The following CLTB variants were observed in gnomAD, a reference collection of about 807,000 sequenced individuals.
CLTB encodes clathrin light chain B, also known as clathrin, light chain (Lcb).
Under a neutral mutation model 30.5 loss-of-function variants are expected in CLTB, and 10 were observed. That is an observed-to-expected ratio of 0.33 (90% CI 0.20 to 0.56). The LOEUF is 0.56. CLTB is among the 20% of genes least tolerant of loss of function. CLTB has a pLI of 0.91. For synonymous variants in CLTB, 102 were observed against 120.3 expected, an observed-to-expected ratio of 0.85 and a Z score of 1.00; for missense variants, 261 against 308.3, an observed-to-expected ratio of 0.85 and a Z score of 1.15.
Position 176,394,610 on chromosome 5 carries a change from G to T in CLTB, c.519-1665C>A, listed in dbSNP as rs62402493. Reference sequence around the variant, plus strand: ...AGGTGGGCGGATCACGAGGTCAGATGGAGAGCATCCTGGCTAACACGGTGA... The same window carrying T: ...AGGTGGGCGGATCACGAGGTCAGATTGAGAGCATCCTGGCTAACACGGTGA... On this transcript the variant is annotated intron_variant, in intron 5 of 5. Coordinates refer to ENST00000310418, the MANE Select transcript of CLTB (RefSeq NM_007097.5). 8.8e-3 allele frequency among the ~76,000 whole-genome samples: 1,342 copies of T among 151,894 alleles called. 10 individuals are homozygous for T. The highest frequency in any genetic ancestry group is 0.014 in the Middle Eastern group (4 of 292).
rs1182424162 is a variant in CLTB at position 176,416,114 on chromosome 5, G to A, written c.187+63C>T. The stretch of plus-strand genomic sequence containing the variant: ...CAGGCTCTCTTCCCTGTGCCCCTGG[G>A]CCCCGGCCGGGGTCCCCCGGGTGCG... On this transcript the variant is annotated intron_variant, in intron 1 of 5. Transcript: ENST00000310418. 6 of 1,407,238 alleles carry A rather than the reference G, an allele frequency of 4.3e-6. No individual in the cohort carries two copies. In the East Asian group the frequency reaches 1.4e-4, roughly 34 times the overall value. 87.2% of individuals were successfully genotyped at this position (1,407,238 alleles called of 1,614,324 possible). A position where few individuals can be genotyped will look rare whatever the true frequency, so the allele number is the denominator to read the frequency against.
At chr5:176,406,808 C>T in intron 2 of CLTB, 1 of 874,484 alleles carries the variant, frequency 1.1e-6, no homozygotes, top group Non-Finnish European at 1.5e-6. Context: ...CCTGCAGGTG[C>T]AGGCCAGACC....
intron 2 of CLTB, among the ~76,000 whole-genome samples, chr5:176,399,496 C>A (rs1044252512): frequency 2.0e-5 from 3 of 152,318 alleles, no homozygotes; most frequent in Admixed American, 2.0e-4. Flanking sequence ...AATCCCAGCA[C>A]TTCGGGAGGC....
chr5:176,409,693 C>T (rs371555653), intron 2 of CLTB, among the ~76,000 whole-genome samples: 5 of 152,060 alleles, frequency 3.3e-5, no homozygotes, highest in South Asian at 2.1e-4. Flanking sequence ...GGATTACAGG[C>T]GTCAGCCACT....
rs1361377772 is a variant in CLTB, at chr5:176,392,691, C to T, written c.*83G>A. ...AATAGGCTGTGGGTAGCAGCTGCTG[C>T]GAGTCTCCACCCCGACCAAAGCAGC... On this transcript the variant is annotated 3_prime_UTR_variant, in exon 6 of 6. Coordinates refer to ENST00000310418, the MANE Select transcript of CLTB (RefSeq NM_007097.5). The surrounding 1 kb of genome is among the most constrained non-coding windows in gnomAD (Gnocchi z 5.2). 16 of 1,493,708 alleles carry T rather than the reference C, an allele frequency of 1.1e-5. No individual in the cohort carries two copies. Among genetic ancestry groups the T allele is most frequent in the South Asian group, 2.4e-5 (2 of 84,356 alleles). The allele number at this position is 1,493,708 out of a possible 1,614,324, so 92.5% of individuals were successfully genotyped here.
rs1413684155 is a variant in CLTB at position 176,393,954 on chromosome 5, G to A, written c.519-1009C>T. Among the ~76,000 whole-genome samples the A allele has an allele frequency of 1.3e-5, 2 of 152,298 alleles. No homozygotes were observed. Among genetic ancestry groups the A allele is most frequent in the African/African-American group, 2.4e-5 (1 of 41,570 alleles). ...CATCTCAAGCAGGACCAGTTCTGCC[G>A]ATGCCAGACATGACTGATGGCAGGA... On this transcript the variant is annotated intron_variant, in intron 5 of 5. Coordinates refer to ENST00000310418, the MANE Select transcript of CLTB (RefSeq NM_007097.5). The surrounding 1 kb of genome is among the most constrained non-coding windows in gnomAD (Gnocchi z 4.4).
intron 1 of CLTB, among the ~76,000 whole-genome samples, chr5:176,414,528 C>T (rs374952079): frequency 1.2e-4 from 18 of 151,878 alleles, no homozygotes; most frequent in African/African-American, 3.6e-4. Context: ...CTACACCTCC[C>T]GGGCTCAAGC....
At chr5:176,416,030 G>C (rs1452057458) in intron 1 of CLTB, 147 bp downstream of exon 1, 4 of 716,698 alleles carry the variant, frequency 5.6e-6, no homozygotes, top group Non-Finnish European at 8.5e-6. Context: ...GTCCTACATG[G>C]AGATCTCCAA....
chr5:176,411,202 G>A (rs1234910522), intron 1 of CLTB, among the ~76,000 whole-genome samples: 5 of 152,166 alleles, frequency 3.3e-5, no homozygotes, highest in Non-Finnish European at 7.3e-5. Flanking sequence ...GAAAGACAAC[G>A]ACTGCATGGC....
chr5:176,416,173 T>G lies in CLTB; in HGVS notation c.187+4A>C, dbSNP rs1286580230. On this transcript the variant is annotated splice_donor_region_variant and intron_variant, in intron 1 of 5. Transcript: ENST00000310418. ...GCCCCTCTCCAGGCCCCGCGCTGAC[T>G]CACCCCCACTCGTGGGGCCCGGCTG... 1.3e-6 allele frequency: 2 copies of G among 1,572,282 alleles called. No homozygotes were observed.
rs564055388 is a variant in CLTB at position 176,405,199 on chromosome 5, C to T, written c.234+5058G>A. 6.6e-5 allele frequency among the ~76,000 whole-genome samples: 10 copies of T among 152,204 alleles called. No homozygotes were observed. In the South Asian group the frequency reaches 8.3e-4, roughly 13 times the overall value. Reference sequence around the variant, plus strand: ...TTCTTTCCCTGTCTTCTATTAGAAGCGAGTTTGGGACCAGGTGCAGCGGCT... The same window carrying T: ...TTCTTTCCCTGTCTTCTATTAGAAGTGAGTTTGGGACCAGGTGCAGCGGCT... On this transcript the variant is annotated intron_variant, in intron 2 of 5. Transcript: ENST00000310418.
At chr5:176,410,425 C>A in intron 1 of CLTB, 122 bp from the exon 2 acceptor site, 1 of 702,010 alleles carries the variant, frequency 1.4e-6, no homozygotes, top group Non-Finnish European at 2.5e-6. Flanking sequence ...GACCCACATG[C>A]AAACAGACAT....
chr5:176,411,585 G>T (rs937707256), intron 1 of CLTB, among the ~76,000 whole-genome samples: 2 of 152,068 alleles, frequency 1.3e-5, no homozygotes, highest in African/African-American at 2.4e-5. Context: ...GTGTTTATTT[G>T]TGTATGTGTT....
rs1757689241 is a variant in CLTB, at chr5:176,416,300, C to A, written c.64G>T (p.Asp22Tyr). The change falls in exon 1 of 6, where the codon GAC (aspartate) becomes TAC (tyrosine). Residue 22 changes from aspartate (D) to tyrosine (Y), a missense_variant. Asp to Tyr is a radical substitution (Grantham distance 160). Around this residue, in one of 3 missense-constraint regions of CLTB, gnomAD observed 113 missense variants for 102.5 expected, o/e 1.10. Coordinates refer to ENST00000310418, the MANE Select transcript of CLTB (RefSeq NM_007097.5). ...ESGAPEAAEE[D>Y]PAAAFLAQQE... Reference sequence around the variant, plus strand: ...TGGGCCAGGAAGGCGGCCGCCGGGTCCTCCTCCGCCGCCTCCGGGGCACCG... The same window carrying A: ...TGGGCCAGGAAGGCGGCCGCCGGGTACTCCTCCGCCGCCTCCGGGGCACCG... 2 of 1,605,000 alleles carry A rather than the reference C, an allele frequency of 1.2e-6. No individual in the cohort carries two copies. Among genetic ancestry groups the A allele is most frequent in the Non-Finnish European group, 1.7e-6 (2 of 1,177,198 alleles).
intron 1 of CLTB, among the ~76,000 whole-genome samples, chr5:176,411,233 C>T (rs1757413884): frequency 6.6e-6 from 1 of 152,202 alleles, no homozygotes. Flanking sequence ...TCACAGGCCC[C>T]CTTGACTCCA....
At chr5:176,406,003 G>A (rs190761814) in intron 2 of CLTB, among the ~76,000 whole-genome samples, 1 of 152,200 alleles carries the variant, frequency 6.6e-6, no homozygotes, top group East Asian at 1.9e-4. Context: ...ATGACCAGGA[G>A]AGCACAGTGG....
At chr5:176,410,373 T>C (rs1009527379) in intron 1 of CLTB, 70 bp from the exon 2 acceptor site, 2 of 1,386,360 alleles carry the variant, frequency 1.4e-6, no homozygotes, top group Non-Finnish European at 2.0e-6. Flanking sequence ...GGTCCTACAT[T>C]AGCCCCTCAA....
chr5:176,413,681 G>C (rs1757560147), intron 1 of CLTB, among the ~76,000 whole-genome samples: 1 of 152,186 alleles, frequency 6.6e-6, no homozygotes, highest in African/African-American at 2.4e-5. Flanking sequence ...CTTTTTCTCT[G>C]CCCCATCCAG....
chr5:176,403,874 T>C (rs956622252), intron 2 of CLTB, among the ~76,000 whole-genome samples: 24 of 152,130 alleles, frequency 1.6e-4, no homozygotes, highest in African/African-American at 5.6e-4. Flanking sequence ...GATTCTCCTG[T>C]CTCAGCCTCA....
Sources: gnomAD v4.1 joint callset for allele counts (sites outside exome capture counted in the v4.1 genomes callset) on GRCh38, gnomAD v4.1.1 for gene constraint, gnomAD v4.1.1 regional missense constraint, Gnocchi (gnomAD v3.1) non-coding constraint, MANE v1.5 for transcripts, NCBI Gene and HGNC (gene_info 2026-07-23, HGNC 2026-07-21) for gene names.